Variants in SLC24A4 observed in about 807,000 individuals in gnomAD.
The protein encoded by SLC24A4 is solute carrier family 24 member 4.
Under a neutral mutation model 79.0 loss-of-function variants are expected in SLC24A4, and 53 were observed. That is an observed-to-expected ratio of 0.67 (90% CI 0.54 to 0.84). SLC24A4 has a LOEUF of 0.84. Ranked by LOEUF, SLC24A4 falls within the 40% of genes least tolerant of loss-of-function variation. SLC24A4 has a pLI of 0.00. For synonymous variants in SLC24A4, 323 were observed against 323.8 expected, an observed-to-expected ratio of 1.00 and a Z score of 0.03; for missense variants, 731 against 822.0, an observed-to-expected ratio of 0.89 and a Z score of 1.35.
intron 2 of SLC24A4, among the ~76,000 whole-genome samples, chr14:92,362,047 G>A (rs561351877): frequency 6.6e-6 from 1 of 152,314 alleles, no homozygotes; most frequent in Admixed American, 6.5e-5. Flanking sequence ...GCTGATGGTG[G>A]TCTGGAGCAC....
intron 2 of SLC24A4, among the ~76,000 whole-genome samples, chr14:92,411,556 A>C (rs1435956293): frequency 6.6e-6 from 1 of 152,170 alleles, no homozygotes; most frequent in East Asian, 1.9e-4. Context: ...TCTCGGCCAG[A>C]GCTGTCTTGG....
At chr14:92,333,956 C>T (rs1176206772) in intron 2 of SLC24A4, among the ~76,000 whole-genome samples, 1 of 151,678 alleles carries the variant, frequency 6.6e-6, no homozygotes, top group African/African-American at 2.4e-5. Flanking sequence ...GTGCGGGGAG[C>T]AGAGGTGGAG....
intron 2 of SLC24A4, among the ~76,000 whole-genome samples, chr14:92,377,630 G>A (rs1182481942): frequency 6.6e-6 from 1 of 152,176 alleles, no homozygotes; most frequent in Non-Finnish European, 1.5e-5. Flanking sequence ...AAGGTCTTGG[G>A]CCTTATCTTG....
intron 2 of SLC24A4, among the ~76,000 whole-genome samples, chr14:92,387,610 T>G (rs1889236912): frequency 6.6e-6 from 1 of 152,238 alleles, no homozygotes; most frequent in Non-Finnish European, 1.5e-5. Flanking sequence ...TTCAGCAGCA[T>G]TAAGTACATT....
chr14:92,364,042 CCTT>C (rs1249034137), intron 2 of SLC24A4, among the ~76,000 whole-genome samples: 2 of 152,160 alleles, frequency 1.3e-5, no homozygotes, highest in African/African-American at 2.4e-5. Context: ...GACTCTTGCT[CCTT>C]CTTCTGCTCG....
intron 2 of SLC24A4, among the ~76,000 whole-genome samples, chr14:92,351,622 C>T (rs577667065): frequency 3.9e-5 from 6 of 152,228 alleles, no homozygotes; most frequent in African/African-American, 4.8e-5. Flanking sequence ...TTCGGGAGGC[C>T]GAGGCGGGTG....
chr14:92,421,850 G>A (rs1182397696), intron 2 of SLC24A4, among the ~76,000 whole-genome samples: 3 of 151,934 alleles, frequency 2.0e-5, no homozygotes, highest in Non-Finnish European at 4.4e-5. Context: ...AAAAAATAAA[G>A]CATAGCAAAT....
chr14:92,395,451 A>ACACG (rs1555365414), intron 2 of SLC24A4, among the ~76,000 whole-genome samples: 1 of 151,708 alleles, frequency 6.6e-6, no homozygotes, highest in African/African-American at 2.4e-5. Context: ...ACACACACAC[A>ACACG]CACACACACA....
In SLC24A4 at chr14:92,456,595, C is replaced by A. The variant is rs1457969809; in HGVS notation, c.1242C>A (p.Pro414=). The A allele has an allele frequency of 1.9e-6, 3 of 1,613,452 alleles. No homozygotes were observed. Among genetic ancestry groups the A allele is most frequent in the Non-Finnish European group, 2.5e-6 (3 of 1,179,838 alleles). Residue 414 remains proline (P), a synonymous_variant, in exon 12 of 17, where the codon CCC becomes CCA. Transcript: ENST00000532405. ...CGGTGGAGGCTGACTTCCTGTCCCCCTTCTCCGTGCCGGGTGAGTTCTGGG... is the reference window on the plus strand; with the variant it reads ...CGGTGGAGGCTGACTTCCTGTCCCCATTCTCCGTGCCGGGTGAGTTCTGGG... ...PEPVEADFLS[P]FSVPEARGDK... is the part of the protein sequence containing the mutation.
At chr14:92,374,442 G>A (rs1458214691) in intron 2 of SLC24A4, among the ~76,000 whole-genome samples, 3 of 152,194 alleles carry the variant, frequency 2.0e-5, no homozygotes, top group South Asian at 2.1e-4. Context: ...CTTGGAAGGC[G>A]GAGTAAAGTC....
At chr14:92,432,220 T>G (rs538754979) in intron 2 of SLC24A4, among the ~76,000 whole-genome samples, 1 of 152,300 alleles carries the variant, frequency 6.6e-6, no homozygotes, top group South Asian at 2.1e-4. Flanking sequence ...GGTGTGAGGC[T>G]GAGTAGAAGT....
chr14:92,472,407 C>T (rs1033795684), intron 12 of SLC24A4, among the ~76,000 whole-genome samples: 2 of 152,250 alleles, frequency 1.3e-5, no homozygotes, highest in East Asian at 1.9e-4. Flanking sequence ...CCCTTCCCAC[C>T]CTTTCCCCCG....
At chr14:92,459,524 G>A (rs1234150485) in intron 12 of SLC24A4, among the ~76,000 whole-genome samples, 7 of 152,162 alleles carry the variant, frequency 4.6e-5, no homozygotes, top group African/African-American at 7.2e-5. Context: ...CCTGGGCTCA[G>A]TGCATGCCTG....
At chr14:92,451,544 G>C (rs1893139013) in intron 10 of SLC24A4, 1 of 152,384 alleles carries the variant, frequency 6.6e-6, no homozygotes, top group East Asian at 1.9e-4. Context: ...TGCACGGGTT[G>C]CTGGCTGGGA....
intron 2 of SLC24A4, among the ~76,000 whole-genome samples, chr14:92,380,800 C>T (rs1888802296): frequency 6.6e-6 from 1 of 152,208 alleles, no homozygotes; most frequent in Non-Finnish European, 1.5e-5. Context: ...GGGGGCAGGG[C>T]AGAGGCTCTG....
chr14:92,469,237 G>A (rs573045218), intron 12 of SLC24A4, among the ~76,000 whole-genome samples: 3 of 152,158 alleles, frequency 2.0e-5, no homozygotes, highest in South Asian at 2.1e-4. Context: ...GGCCAGGCGC[G>A]GTGGCTCACA....
rs757555698 is a variant in SLC24A4 at position 92,494,284 on chromosome 14, G to A, written c.*656G>A. The stretch of plus-strand genomic sequence containing the variant: ...GAATATTCTTCTCACTTTTATTGAT[G>A]CATTCAGAGAATAAGCAATGAAATA... On this transcript the variant is annotated 3_prime_UTR_variant, in exon 17 of 17. Transcript: ENST00000532405. The surrounding 1 kb of genome is among the most constrained non-coding windows in gnomAD (Gnocchi z 4.6). The A allele has an allele frequency of 1.3e-5, 2 of 152,688 alleles. No individual in the cohort carries two copies. The highest frequency in any genetic ancestry group is 2.9e-5 in the Non-Finnish European group (2 of 68,100). The allele number at this position is 152,688 out of a possible 1,614,324, so 9.5% of individuals were successfully genotyped here.
chr14:92,355,866 C>T (rs1452746326), intron 2 of SLC24A4, among the ~76,000 whole-genome samples: 1 of 152,168 alleles, frequency 6.6e-6, no homozygotes, highest in Non-Finnish European at 1.5e-5. Context: ...TCCCTTGTTG[C>T]TTTCTGACAT....
chr14:92,478,082 C>T (rs540745471), intron 12 of SLC24A4, among the ~76,000 whole-genome samples: 1 of 151,882 alleles, frequency 6.6e-6, no homozygotes, highest in South Asian at 2.1e-4. Context: ...GCTGAGATTA[C>T]AGGCATGAGC....
Sources: allele counts gnomAD v4.1 joint callset (sites outside exome capture counted in the v4.1 genomes callset), GRCh38; gene constraint gnomAD v4.1.1; non-coding constraint Gnocchi (gnomAD v3.1); transcripts MANE v1.5; gene names NCBI Gene and HGNC (gene_info 2026-07-23, HGNC 2026-07-21).